The following SBK3 variants were observed in gnomAD, a reference collection of about 807,000 sequenced individuals.
SBK3 encodes the protein SH3 domain binding kinase family member 3.
A neutral mutation model predicts 12.7 loss-of-function variants in SBK3; 16 were observed. The observed-to-expected ratio is 1.26, with a 90% CI of 0.86 to 1.92. SBK3 has a LOEUF of 1.92. SBK3 is among the 40% of genes most tolerant of loss of function. The pLI, the probability that SBK3 is intolerant of heterozygous loss-of-function variation, is 0.00. For missense variants in SBK3, 462 were observed against 481.8 expected (o/e 0.96, Z 0.38); for synonymous variants, 217 against 213.6 (o/e 1.02, Z -0.14).
At chr19:55,544,694 AG>A in intron 2 of SBK3, 104 bp downstream of exon 2, 1 of 1,132,756 alleles carries the variant, frequency 8.8e-7, no homozygotes, top group Non-Finnish European at 1.2e-6. Flanking sequence ...CCCACTGAGA[AG>A]GGTCCCCATC....
chr19:55,541,478 C>T lies in SBK3; in HGVS notation c.448G>A (p.Ala150Thr). 2 of 1,528,866 alleles carry T rather than the reference C, an allele frequency of 1.3e-6. No individual in the cohort carries two copies. Among genetic ancestry groups the T allele is most frequent in the Non-Finnish European group, 1.8e-6 (2 of 1,141,726 alleles). The allele number at this position is 1,528,866 out of a possible 1,614,324, so 94.7% of individuals were successfully genotyped here. A position where few individuals can be genotyped will look rare whatever the true frequency, so the allele number is the denominator to read the frequency against. ...VKRVVAQLAG[A>T]LDFLHSRGLV... Reference sequence around the variant, plus strand: ...CCCCGGCTGTGGAGGAAGTCCAGAGCTCCTGCCAACTGGGCCACCACCCGC... The same window carrying T: ...CCCCGGCTGTGGAGGAAGTCCAGAGTTCCTGCCAACTGGGCCACCACCCGC... The change falls in exon 4 of 4, where the codon GCT (alanine) becomes ACT (threonine). Residue 150 changes from alanine to threonine, a missense_variant. By Grantham distance (58) the Ala-to-Thr change is moderately conservative (BLOSUM62 0). Coordinates refer to ENST00000612221, the MANE Select transcript of SBK3 (RefSeq NM_001199824.2). This position sits in a 1 kb window ranked among gnomAD's most constrained non-coding sequence, Gnocchi z 5.3.
At position 55,544,238 on chromosome 19, in the gene SBK3, C is replaced by A. The variant is rs1230649677; in HGVS notation, c.261G>T (p.Glu87Asp). ...DLVLRSTFLR[E>D]FCVGRCVSAH... ...CAGAGACGCAGCGGCCCACACAGAA[C>A]TCCCTCAGGAAGGTGCTTCTCAGGA... The change falls in exon 3 of 4, where the codon GAG becomes GAT. Residue 87 changes from glutamate to aspartate, a missense_variant. Glu to Asp is a conservative substitution (Grantham distance 45). Transcript: ENST00000612221. The A allele has an allele frequency of 6.5e-7, 1 of 1,535,936 alleles. No homozygotes were observed. Among genetic ancestry groups the A allele is most frequent in the African/African-American group, 1.4e-5 (1 of 73,030 alleles).
At position 55,544,262 on chromosome 19, in the gene SBK3, G is replaced by A. The variant is rs1320937528; in HGVS notation, c.237C>T (p.Val79=). 3 of 1,536,008 alleles carry A rather than the reference G, an allele frequency of 2.0e-6. No individual in the cohort carries two copies. The East Asian group carries it at 7.3e-5, about 38-fold the overall frequency. ...ACTCCCTCAGGAAGGTGCTTCTCAGGACCAAATCCCGACGCAGGAGCTTCA... is the reference window on the plus strand; with the variant it reads ...ACTCCCTCAGGAAGGTGCTTCTCAGAACCAAATCCCGACGCAGGAGCTTCA... The part of the protein sequence containing the change: ...VALKLLRRDL[V]LRSTFLREFC... Residue 79 remains valine, a synonymous_variant, in exon 3 of 4, where the codon GTC becomes GTT. Transcript: ENST00000612221.
In SBK3 at chr19:55,544,209, T is replaced by C; in HGVS notation, c.290A>G (p.His97Arg). The C allele has an allele frequency of 6.5e-7, 1 of 1,535,872 alleles. No individual in the cohort carries two copies. The highest frequency in any genetic ancestry group is 8.7e-7 in the Non-Finnish European group (1 of 1,146,848). ...TGCCAGGGTCTGCAGCAGGCCTGGG[T>C]GTGCAGAGACGCAGCGGCCCACACA... The part of the protein sequence containing the change: ...EFCVGRCVSA[H>R]PGLLQTLAGP... The change falls in exon 3 of 4, where the codon CAC becomes CGC. Residue 97 changes from histidine (H) to arginine (R), a missense_variant. Transcript: ENST00000612221.
At position 55,541,336 on chromosome 19, in the gene SBK3, G is replaced by A; in HGVS notation, c.590C>T (p.Pro197Leu). ...TRPEGSPTPA[P>L]PVPLPTAPPE... ...CGGTGCCGTGGGCAGAGGCACTGGT[G>A]GGGCGGGGGTCGGGCTGCCCTCTGG... The change falls in exon 4 of 4, where the codon CCA becomes CTA. Residue 197 changes from proline (P) to leucine (L), a missense_variant. Pro to Leu is a moderately conservative substitution (Grantham distance 98). Transcript: ENST00000612221. This position sits in a 1 kb window ranked among gnomAD's most constrained non-coding sequence, Gnocchi z 5.3. 5 of 1,535,118 alleles carry A rather than the reference G, an allele frequency of 3.3e-6. No individual in the cohort carries two copies. The highest frequency in any genetic ancestry group is 1.2e-5 in the South Asian group (1 of 83,994).
At chr19:55,542,710 A>T (rs1988582135) in intron 3 of SBK3, among the ~76,000 whole-genome samples, 1 of 131,174 alleles carries the variant, frequency 7.6e-6, no homozygotes, top group African/African-American at 3.0e-5. Flanking sequence ...CCTTTCATCC[A>T]CCCACCCACC....
rs1040296147 is a variant in SBK3 at position 55,545,485 on chromosome 19, C to T, written c.45+14G>A. The stretch of plus-strand genomic sequence containing the variant: ...TTCTCTCTCTGTCTTCCTCCCCTGG[C>T]TCCCGTCTCTCACCTCTGGGTCCCC... On this transcript the variant is annotated intron_variant, in intron 1 of 3. Transcript: ENST00000612221. The surrounding 1 kb of genome is among the most constrained non-coding windows in gnomAD (Gnocchi z 4.4). The T allele has an allele frequency of 4.6e-6, 7 of 1,528,256 alleles. No homozygotes were observed. Among genetic ancestry groups the T allele is most frequent in the African/African-American group, 1.4e-5 (1 of 72,730 alleles). The allele number at this position is 1,528,256 out of a possible 1,614,324, so 94.7% of individuals were successfully genotyped here.
At position 55,544,322 on chromosome 19, in the gene SBK3, GA is replaced by G. The variant is rs1183858777; in HGVS notation, c.197-21del. ...CTGGACCTGCCAGGGAGATGGGTCG[GA>G]GGGACACTCAGGCGGCTCCAGTCCT... On this transcript the variant is annotated intron_variant, in intron 2 of 3. Transcript: ENST00000612221. The G allele has an allele frequency of 6.5e-7, 1 of 1,530,392 alleles. No homozygotes were observed. Among genetic ancestry groups the G allele is most frequent in the African/African-American group, 1.4e-5 (1 of 72,954 alleles). 94.8% of individuals were successfully genotyped at this position (1,530,392 alleles called of 1,614,324 possible).
Position 55,540,714 on chromosome 19 carries a change from C to T in SBK3, c.*132G>A, listed in dbSNP as rs774479344. 2.5e-5 allele frequency: 20 copies of T among 801,134 alleles called. No homozygotes were observed. Among genetic ancestry groups the T allele is most frequent in the African/African-American group, 8.5e-5 (5 of 58,944 alleles). 49.6% of individuals were successfully genotyped at this position (801,134 alleles called of 1,614,324 possible). A position where few individuals can be genotyped will look rare whatever the true frequency, so the allele number is the denominator to read the frequency against. On this transcript the variant is annotated 3_prime_UTR_variant, in exon 4 of 4. Transcript: ENST00000612221. ...AAGAGGAATGCGCGTCCAAGCCCAG[C>T]GTTCCGTAGGGAGAGTGCAATGTGT...
intron 2 of SBK3, among the ~76,000 whole-genome samples, 163 bp from the exon 3 acceptor site, chr19:55,544,465 C>T (rs1296124915): frequency 1.3e-5 from 2 of 152,112 alleles, no homozygotes; most frequent in Non-Finnish European, 2.9e-5. Context: ...GAAGACCCTC[C>T]CTGCTCTGCC....
Position 55,545,036 on chromosome 19 carries a change from T to G in SBK3, c.46-87A>C. On this transcript the variant is annotated intron_variant, in intron 1 of 3. Transcript: ENST00000612221. This position sits in a 1 kb window ranked among gnomAD's most constrained non-coding sequence, Gnocchi z 4.4. ...AGGAGGTCACGGCGCAGCCCCAGGATGGAGGGTGGGGCAGGGGACAGGGGT... is the reference window on the plus strand; with the variant it reads ...AGGAGGTCACGGCGCAGCCCCAGGAGGGAGGGTGGGGCAGGGGACAGGGGT... 9.7e-7 allele frequency: 1 copy of G among 1,030,752 alleles called. No homozygotes were observed. The highest frequency in any genetic ancestry group is 1.4e-6 in the Non-Finnish European group (1 of 722,836). 63.9% of individuals were successfully genotyped at this position (1,030,752 alleles called of 1,614,324 possible). A position where few individuals can be genotyped will look rare whatever the true frequency, so the allele number is the denominator to read the frequency against.
Position 55,541,023 on chromosome 19 carries a change from C to T in SBK3, c.903G>A (p.Leu301=). Reference sequence around the variant, plus strand: ...ACCCCCAGTCGTCCCCCAGGAAGTCCAGGACAGCCAGTGGGGGGCTCCTAG... The same window carrying T: ...ACCCCCAGTCGTCCCCCAGGAAGTCTAGGACAGCCAGTGGGGGGCTCCTAG... The part of the protein sequence containing the change: ...PETRSPPLAV[L]DFLGDDWGLQ... Residue 301 remains leucine, a synonymous_variant, in exon 4 of 4, where the codon CTG becomes CTA. Coordinates refer to ENST00000612221, the MANE Select transcript of SBK3 (RefSeq NM_001199824.2). This position sits in a 1 kb window ranked among gnomAD's most constrained non-coding sequence, Gnocchi z 5.3. The T allele has an allele frequency of 6.5e-7, 1 of 1,536,030 alleles. No homozygotes were observed.
At position 55,545,071 on chromosome 19, in the gene SBK3, C is replaced by T; in HGVS notation, c.46-122G>A. On this transcript the variant is annotated intron_variant, in intron 1 of 3. Coordinates refer to ENST00000612221, the MANE Select transcript of SBK3 (RefSeq NM_001199824.2). This position sits in a 1 kb window ranked among gnomAD's most constrained non-coding sequence, Gnocchi z 4.4. ...GGCAGGGGACAGGGGTCACTGTCCC[C>T]AGAGAGGAGGATGAGTCACAGTGAC... The T allele has an allele frequency of 1.4e-6, 1 of 731,346 alleles. No homozygotes were observed. 45.3% of individuals were successfully genotyped at this position (731,346 alleles called of 1,614,324 possible). A position where few individuals can be genotyped will look rare whatever the true frequency, so the allele number is the denominator to read the frequency against.
chr19:55,541,070 G>T lies in SBK3; in HGVS notation c.856C>A (p.Leu286Ile), dbSNP rs763229634. 6.5e-7 allele frequency: 1 copy of T among 1,535,988 alleles called. No homozygotes were observed. The stretch of plus-strand genomic sequence containing the variant: ...CTAGTCTCGGGATCCAGGTCCAGAA[G>T]CCCCTGGAGCAAGGCCAGGGCTGGG... The part of the protein sequence containing the change: ...APPALALLQG[L>I]LDLDPETRSP... The change falls in exon 4 of 4, where the codon CTT becomes ATT. Residue 286 changes from leucine to isoleucine, a missense_variant. Transcript: ENST00000612221. The surrounding 1 kb of genome is among the most constrained non-coding windows in gnomAD (Gnocchi z 5.3).
Position 55,541,213 on chromosome 19 carries a change from G to T in SBK3, c.713C>A (p.Ala238Asp), listed in dbSNP as rs2123489740. The T allele has an allele frequency of 6.5e-7, 1 of 1,536,098 alleles. No homozygotes were observed. Among genetic ancestry groups the T allele is most frequent in the Non-Finnish European group, 8.7e-7 (1 of 1,146,892 alleles). The change falls in exon 4 of 4, where the codon GCC becomes GAC. Residue 238 changes from alanine to aspartate, a missense_variant. Coordinates refer to ENST00000612221, the MANE Select transcript of SBK3 (RefSeq NM_001199824.2). The surrounding 1 kb of genome is among the most constrained non-coding windows in gnomAD (Gnocchi z 5.3). ...CAGTGCCACGTCCCAAGGGAAACAGGCAGTGGCAGCACAGAAGAGAAGCAC... is the reference window on the plus strand; with the variant it reads ...CAGTGCCACGTCCCAAGGGAAACAGTCAGTGGCAGCACAGAAGAGAAGCAC... ...LGVLLFCAAT[A>D]CFPWDVALAP... is the part of the protein sequence containing the mutation.
At chr19:55,542,506 T>C (rs1159772795) in intron 3 of SBK3, among the ~76,000 whole-genome samples, 1 of 139,900 alleles carries the variant, frequency 7.1e-6, no homozygotes, top group Non-Finnish European at 1.5e-5. Context: ...CACCCACCAA[T>C]CCTTCCTTCC....
In SBK3 at chr19:55,545,357, T is replaced by A. The variant is rs899835082; in HGVS notation, c.45+142A>T. ...GCTGTGTGTCCTTGGATCTCTGTCA[T>A]CCTCTCTCCCTGGGTCTGGGTCTCT... On this transcript the variant is annotated intron_variant, in intron 1 of 3. Transcript: ENST00000612221. The surrounding 1 kb of genome is among the most constrained non-coding windows in gnomAD (Gnocchi z 4.4). The A allele has an allele frequency of 1.5e-5, 10 of 672,600 alleles. No homozygotes were observed. Among genetic ancestry groups the A allele is most frequent in the South Asian group, 3.7e-5 (2 of 53,746 alleles). The allele number at this position is 672,600 out of a possible 1,614,324, so 41.7% of individuals were successfully genotyped here. A position where few individuals can be genotyped will look rare whatever the true frequency, so the allele number is the denominator to read the frequency against.
chr19:55,543,973 G>T (rs993842114), intron 3 of SBK3, 127 bp downstream of exon 3: 2 of 717,580 alleles, frequency 2.8e-6, no homozygotes, highest in South Asian at 4.6e-5. Context: ...GAGGTCATGT[G>T]GGGGCTCAGG....
chr19:55,544,161 T>A lies in SBK3; in HGVS notation c.338A>T (p.Tyr113Phe). 1 of 1,535,138 alleles carries A rather than the reference T, an allele frequency of 6.5e-7. No homozygotes were observed. Among genetic ancestry groups the A allele is most frequent in the Admixed American group, 2.0e-5 (1 of 50,808 alleles). The change falls in exon 3 of 4, where the codon TAT (tyrosine) becomes TTT (phenylalanine). Residue 113 changes from tyrosine to phenylalanine, a missense_variant. Tyr to Phe is a conservative substitution (Grantham distance 22). Coordinates refer to ENST00000612221, the MANE Select transcript of SBK3 (RefSeq NM_001199824.2). ...TLAGPLQTPR[Y>F]FAFAQEYAPC... is the part of the protein sequence containing the mutation. Reference sequence around the variant, plus strand: ...CGCGTACTCCTGGGCGAAGGCAAAATAGCGGGGGGTCTGTAGGGGTCCTGC... The same window carrying A: ...CGCGTACTCCTGGGCGAAGGCAAAAAAGCGGGGGGTCTGTAGGGGTCCTGC...
Sources: allele counts gnomAD v4.1 joint callset (sites outside exome capture counted in the v4.1 genomes callset), GRCh38; gene constraint gnomAD v4.1.1; non-coding constraint Gnocchi (gnomAD v3.1); transcripts MANE v1.5; gene names NCBI Gene and HGNC (gene_info 2026-07-23, HGNC 2026-07-21).